Variants in PLAAT3 observed in about 807,000 individuals in gnomAD.
PLAAT3 encodes the protein Ca-independent phospholipase A1/2.
In PLAAT3, 21 loss-of-function variants were observed where a neutral mutation model predicts 16.7. The ratio of observed to expected loss-of-function variants is 1.26; its 90% CI spans 0.89 to 1.81. The LOEUF is 1.81. Among genes scored for constraint, PLAAT3 ranks in the 40% most tolerant of loss-of-function variants. The pLI, the probability that PLAAT3 is intolerant of heterozygous loss-of-function variation, is 0.00. For missense variants in PLAAT3, 219 were observed against 213.7 expected, an observed-to-expected ratio of 1.02 and a Z score of -0.16; for synonymous variants, 76 against 81.7, an observed-to-expected ratio of 0.93 and a Z score of 0.38.
intron 2 of PLAAT3, among the ~76,000 whole-genome samples, chr11:63,599,734 T>A (rs1421002652): frequency 6.6e-6 from 1 of 152,074 alleles, no homozygotes; most frequent in Non-Finnish European, 1.5e-5. Context: ...GAGTATTAAT[T>A]GTTTGGTCAG....
chr11:63,615,076 G>A (rs190726046), upstream of PLAAT3, among the ~76,000 whole-genome samples: 136 of 31,670 alleles, frequency 4.3e-3, 26 homozygotes, highest in East Asian at 0.033. Flanking sequence ...GTGTATATAT[G>A]TGTGTATATA....
intron 2 of PLAAT3, among the ~76,000 whole-genome samples, chr11:63,602,557 T>G (rs1187455798): frequency 6.6e-6 from 1 of 151,610 alleles, no homozygotes; most frequent in Non-Finnish European, 1.5e-5. Context: ...CTGCAAGAGG[T>G]CTGCCTGCAA....
At chr11:63,604,748 G>A (rs912369187) in intron 2 of PLAAT3, among the ~76,000 whole-genome samples, 3 of 151,510 alleles carry the variant, frequency 2.0e-5, no homozygotes, top group Admixed American at 2.0e-4. Context: ...AGGCGACAGA[G>A]CAAGACTGCC....
chr11:63,588,752 G>A lies in PLAAT3; in HGVS notation c.387+1348C>T, dbSNP rs997684589. Among the ~76,000 whole-genome samples the A allele has an allele frequency of 9.2e-5, 14 of 151,534 alleles. 1 individual carries two copies. The highest frequency in any genetic ancestry group is 1.9e-4 in the Non-Finnish European group (13 of 67,858). On this transcript the variant is annotated intron_variant, in intron 4 of 4. Transcript: ENST00000415826. ...TTGAACATGAATAACCCAACTGATC[G>A]AAGAAAAAAATAAGAGGATACCCAT...
chr11:63,600,040 G>A (rs1417389307), intron 2 of PLAAT3, among the ~76,000 whole-genome samples: 1 of 152,138 alleles, frequency 6.6e-6, no homozygotes, highest in Non-Finnish European at 1.5e-5. Context: ...GAGTGTAGTG[G>A]CATGATCGTG....
At chr11:63,604,186 T>C (rs2134425739) in intron 2 of PLAAT3, among the ~76,000 whole-genome samples, 1 of 152,296 alleles carries the variant, frequency 6.6e-6, no homozygotes, top group Middle Eastern at 3.4e-3. Flanking sequence ...GAAAACGTAT[T>C]ATACACTACA....
intron 4 of PLAAT3, among the ~76,000 whole-genome samples, chr11:63,588,368 C>A (rs1938040651): frequency 6.6e-6 from 1 of 152,080 alleles, no homozygotes; most frequent in South Asian, 2.1e-4. Context: ...CTGTGCCCGG[C>A]CTAAAATAAA....
chr11:63,601,626 C>T (rs1938432903), intron 2 of PLAAT3, among the ~76,000 whole-genome samples: 1 of 152,086 alleles, frequency 6.6e-6, no homozygotes, highest in Non-Finnish European at 1.5e-5. Flanking sequence ...CTTTAAAAGA[C>T]ACTGCGAAGT....
chr11:63,609,219 G>A (rs1183762706), intron 2 of PLAAT3, among the ~76,000 whole-genome samples: 1 of 152,206 alleles, frequency 6.6e-6, no homozygotes, highest in Non-Finnish European at 1.5e-5. Flanking sequence ...CTGACGCCCT[G>A]GGGGGAAAGC....
intron 2 of PLAAT3, among the ~76,000 whole-genome samples, chr11:63,612,461 CT>C (rs1938718335): frequency 6.6e-6 from 1 of 152,158 alleles, no homozygotes; most frequent in Admixed American, 6.5e-5. Context: ...ATGGTTAAGG[CT>C]TTTCCTTTGT....
intron 2 of PLAAT3, among the ~76,000 whole-genome samples, chr11:63,603,598 T>G (rs1427932006): frequency 7.3e-5 from 11 of 150,466 alleles, no homozygotes; most frequent in Admixed American, 4.0e-4. Context: ...AACCTGCACA[T>G]CCTGCACATG....
At chr11:63,599,036 T>A (rs1050026067) in intron 2 of PLAAT3, among the ~76,000 whole-genome samples, 1 of 152,180 alleles carries the variant, frequency 6.6e-6, no homozygotes, top group Non-Finnish European at 1.5e-5. Flanking sequence ...TTCAACATTA[T>A]CCACGTCCAT....
chr11:63,612,000 C>T (rs1329024384), intron 2 of PLAAT3, among the ~76,000 whole-genome samples: 1 of 152,146 alleles, frequency 6.6e-6, no homozygotes, highest in Non-Finnish European at 1.5e-5. Flanking sequence ...TAGCCAGGCG[C>T]GGTGGCGCAT....
intron 2 of PLAAT3, among the ~76,000 whole-genome samples, chr11:63,606,547 C>T (rs998319640): frequency 8.6e-5 from 13 of 151,976 alleles, no homozygotes; most frequent in African/African-American, 2.7e-4. Flanking sequence ...GGAGCAGGGT[C>T]GGGAGCTGAG....
intron 4 of PLAAT3, among the ~76,000 whole-genome samples, chr11:63,588,056 T>C (rs566461918): frequency 6.7e-4 from 102 of 152,000 alleles, no homozygotes; most frequent in African/African-American, 2.4e-3. Context: ...TCTATTAAAA[T>C]AAAAAACAAT....
At chr11:63,608,839 T>G (rs1390046224) in intron 2 of PLAAT3, among the ~76,000 whole-genome samples, 1 of 152,226 alleles carries the variant, frequency 6.6e-6, no homozygotes, top group Non-Finnish European at 1.5e-5. Context: ...TGAGCTCTAC[T>G]ACTTACTAAC....
upstream of PLAAT3, among the ~76,000 whole-genome samples, chr11:63,614,672 G>T (rs867957201): frequency 1.3e-5 from 2 of 151,936 alleles, no homozygotes; most frequent in Non-Finnish European, 2.9e-5. Context: ...GTTTACTTTC[G>T]CCTTCACTCA....
chr11:63,597,095 TAA>T (rs1165573525), intron 3 of PLAAT3, among the ~76,000 whole-genome samples: 7 of 137,510 alleles, frequency 5.1e-5, no homozygotes, highest in Admixed American at 7.3e-5. Context: ...AAACTCCATC[TAA>T]AAAAAAAAAA....
At chr11:63,580,442 T>A (rs192824440) in intron 4 of PLAAT3, among the ~76,000 whole-genome samples, 184 of 152,098 alleles carry the variant, frequency 1.2e-3, no homozygotes, top group African/African-American at 4.3e-3. Context: ...GATCACGAGG[T>A]CAGGAGTTCG....
Sources: gnomAD v4.1 joint callset for allele counts (sites outside exome capture counted in the v4.1 genomes callset) on GRCh38, gnomAD v4.1.1 for gene constraint, MANE v1.5 for transcripts, NCBI Gene and HGNC (gene_info 2026-07-23, HGNC 2026-07-21) for gene names.